ENPEP: variants seen among roughly 807,000 people sequenced by gnomAD.
ENPEP encodes AP-A.
ENPEP carries 103 observed loss-of-function variants against 114.5 expected under a neutral mutation model. The observed-to-expected ratio is 0.90, with a 90% CI of 0.77 to 1.06. ENPEP has a LOEUF of 1.06. ENPEP is among the 50% of genes least tolerant of loss of function. The pLI is 0.00. For missense variants in ENPEP, 1,196 were observed against 1,161.3 expected (o/e 1.03, Z -0.43); for synonymous variants, 420 against 422.0 (o/e 1.00, Z 0.06).
At chr4:110,498,767 A>T (rs1725042956) in intron 3 of ENPEP, among the ~76,000 whole-genome samples, 1 of 151,920 alleles carries the variant, frequency 6.6e-6, no homozygotes, top group Non-Finnish European at 1.5e-5. Flanking sequence ...TGGTCTTTCC[A>T]AGTTCAAGGT....
chr4:110,549,535 C>T lies in ENPEP; in HGVS notation c.2233C>T (p.Arg745Cys), dbSNP rs777524141. ...GTTTGTTTGTTTTTTAAGGTTACTCCGTTCCTCCGTGTTAGGGTTTGCGTG... is the reference window on the plus strand; with the variant it reads ...GTTTGTTTGTTTTTTAAGGTTACTCTGTTCCTCCGTGTTAGGGTTTGCGTG... ...DAGDHVTKLLRSSVLGFACKM... is the reference protein window; with the variant it reads ...DAGDHVTKLLCSSVLGFACKM... Residue 745 changes from arginine to cysteine, a missense_variant, in exon 16 of 20, where the codon CGT becomes TGT. Transcript: ENST00000265162. The T allele has an allele frequency of 1.3e-5, 21 of 1,613,288 alleles. No individual in the cohort carries two copies. The highest frequency in any genetic ancestry group is 8.8e-5 in the South Asian group (8 of 91,070).
intron 2 of ENPEP, among the ~76,000 whole-genome samples, chr4:110,490,607 G>A (rs1313403526): frequency 2.6e-5 from 4 of 152,168 alleles, no homozygotes; most frequent in Non-Finnish European, 5.9e-5. Flanking sequence ...AACCAAAGAC[G>A]GAAAAGAGAA....
chr4:110,539,132 T>C (rs1726755010), intron 11 of ENPEP, among the ~76,000 whole-genome samples: 1 of 152,144 alleles, frequency 6.6e-6, no homozygotes, highest in South Asian at 2.1e-4. Flanking sequence ...AGTGAGCACA[T>C]GTTGTTCGAA....
intron 8 of ENPEP, 89 bp downstream of exon 8, chr4:110,515,531 A>C: frequency 8.8e-7 from 1 of 1,133,328 alleles, no homozygotes; most frequent in South Asian, 1.4e-5. Flanking sequence ...ATCAAGGATA[A>C]TTTCCTTTTT....
At chr4:110,519,110 A>G (rs966679007) in intron 8 of ENPEP, 2 of 455,742 alleles carry the variant, frequency 4.4e-6, no homozygotes, top group Non-Finnish European at 8.8e-6. Flanking sequence ...TGAATTAACC[A>G]AAAGAACAAA....
At chr4:110,480,100 C>T (rs1384892617) in intron 1 of ENPEP, among the ~76,000 whole-genome samples, 1 of 152,176 alleles carries the variant, frequency 6.6e-6, no homozygotes, top group Non-Finnish European at 1.5e-5. Flanking sequence ...AAGGCTGATG[C>T]TCAGTTCAGT....
intron 3 of ENPEP, among the ~76,000 whole-genome samples, chr4:110,496,229 A>G (rs1282917601): frequency 6.6e-6 from 1 of 152,202 alleles, no homozygotes; most frequent in Non-Finnish European, 1.5e-5. Flanking sequence ...GGATTTTTAA[A>G]AACAGCCTAT....
intron 18 of ENPEP, among the ~76,000 whole-genome samples, chr4:110,556,928 C>T (rs1727495051): frequency 2.6e-5 from 4 of 152,158 alleles, no homozygotes; most frequent in African/African-American, 9.7e-5. Flanking sequence ...AGACCTGGTT[C>T]TCTGTCGTCA....
intron 11 of ENPEP, among the ~76,000 whole-genome samples, chr4:110,534,441 T>G (rs1399295822): frequency 6.6e-6 from 1 of 151,748 alleles, no homozygotes; most frequent in Non-Finnish European, 1.5e-5. Context: ...CTAGTATTAT[T>G]ACTTTATATT....
At chr4:110,520,112 G>A in intron 9 of ENPEP, 39 bp downstream of exon 9, 1 of 1,604,926 alleles carries the variant, frequency 6.2e-7, no homozygotes, top group Non-Finnish European at 8.5e-7. Context: ...TTCTTTGTCT[G>A]ATTTACAAAT....
chr4:110,544,434 T>C (rs766802653), intron 13 of ENPEP, among the ~76,000 whole-genome samples: 1 of 152,096 alleles, frequency 6.6e-6, no homozygotes, highest in African/African-American at 2.4e-5. Flanking sequence ...ATAGAAAATA[T>C]GATGTTCTAG....
rs1043392517 is a variant in ENPEP at position 110,562,146 on chromosome 4, C to T, written c.*588C>T. ...AGAATGGCTGACTGTTGCCTTTGCT[C>T]TTATAAAATCAATAAGAGAACTCTC... is the stretch of plus-strand genomic sequence containing the variant. On this transcript the variant is annotated 3_prime_UTR_variant, in exon 20 of 20. Transcript: ENST00000265162. 6.6e-6 allele frequency: 1 copy of T among 152,108 alleles called. No homozygotes were observed. The highest frequency in any genetic ancestry group is 2.4e-5 in the African/African-American group (1 of 41,418). 9.4% of individuals were successfully genotyped at this position (152,108 alleles called of 1,614,324 possible).
At chr4:110,523,418 T>TA (rs1245785075) in intron 10 of ENPEP, among the ~76,000 whole-genome samples, 1 of 152,028 alleles carries the variant, frequency 6.6e-6, no homozygotes, top group Non-Finnish European at 1.5e-5. Context: ...TCTTCTTTAT[T>TA]AAAAAATAAC....
intron 10 of ENPEP, among the ~76,000 whole-genome samples, chr4:110,528,492 T>C (rs1246016721): frequency 1.3e-5 from 2 of 152,216 alleles, no homozygotes; most frequent in East Asian, 3.8e-4. Context: ...GTACTGTGAG[T>C]TCAATGATCT....
intron 17 of ENPEP, 108 bp downstream of exon 17, chr4:110,549,994 C>T (rs187939120): frequency 1.3e-4 from 146 of 1,123,236 alleles, no homozygotes; most frequent in Non-Finnish European, 1.7e-4. Flanking sequence ...CAAAAAAATC[C>T]ATTAAAAGTT....
At chr4:110,484,731 T>C (rs1320115000) in intron 1 of ENPEP, among the ~76,000 whole-genome samples, 1 of 142,712 alleles carries the variant, frequency 7.0e-6, no homozygotes, top group African/African-American at 2.6e-5. Context: ...TAGGAATATA[T>C]ATTATATATA....
chr4:110,487,192 T>A (rs759990690), intron 1 of ENPEP, among the ~76,000 whole-genome samples: 1 of 152,250 alleles, frequency 6.6e-6, no homozygotes, highest in African/African-American at 2.4e-5. Context: ...AGAGGCTGCA[T>A]GACCCCTAAA....
chr4:110,485,818 GT>G (rs1724480618), intron 1 of ENPEP, among the ~76,000 whole-genome samples: 1 of 151,344 alleles, frequency 6.6e-6, no homozygotes. Flanking sequence ...TGCAAGTTAA[GT>G]TTTTTGTTTT....
chr4:110,502,221 A>T (rs555173450), intron 3 of ENPEP, among the ~76,000 whole-genome samples: 5 of 152,186 alleles, frequency 3.3e-5, no homozygotes, highest in Admixed American at 6.5e-5. Context: ...ATTTTCTCTC[A>T]TTCTGTATGT....
Sources: allele counts gnomAD v4.1 joint callset (sites outside exome capture counted in the v4.1 genomes callset), GRCh38; gene constraint gnomAD v4.1.1; transcripts MANE v1.5; gene names NCBI Gene and HGNC (gene_info 2026-07-23, HGNC 2026-07-21).